Variants in FRMD4B observed in about 807,000 individuals in gnomAD.
FRMD4B encodes FERM domain containing 4B.
A neutral mutation model predicts 141.5 loss-of-function variants in FRMD4B; 74 were observed. The observed-to-expected ratio is 0.52, with a 90% confidence interval of 0.43 to 0.63. The LOEUF is 0.63. FRMD4B is among the 30% of genes least tolerant of loss of function. FRMD4B has a pLI of 0.00. For synonymous variants in FRMD4B, 506 were observed against 467.9 expected, an observed-to-expected ratio of 1.08 and a Z score of -1.05; for missense variants, 1,366 against 1,253.4, an observed-to-expected ratio of 1.09 and a Z score of -1.36.
At position 69,169,375 on chromosome 3, in the gene FRMD4B, T is replaced by TTTTTTTTCC. The variant is rs1553691449; in HGVS notation, c.*2485_*2486insGGAAAAAAA. Among the ~76,000 whole-genome samples the TTTTTTTTCC allele has an allele frequency of 8.0e-6, 1 of 124,610 alleles. No homozygotes were observed. The highest frequency in any genetic ancestry group is 2.9e-5 in the African/African-American group (1 of 34,328). 81.7% of individuals were successfully genotyped at this position (124,610 alleles called of 152,430 possible). The stretch of plus-strand genomic sequence containing the variant: ...TTTCTTTTTTTTTTTTTTTTTTTTT[T>TTTTTTTTCC]CTTGAGACAAGGTCTGTTATTGCCT... On this transcript the variant is annotated 3_prime_UTR_variant, in exon 23 of 23. Transcript: ENST00000398540.
At chr3:69,372,400 C>G (rs1703850927) in intron 1 of FRMD4B, among the ~76,000 whole-genome samples, 1 of 152,234 alleles carries the variant, frequency 6.6e-6, no homozygotes, top group Non-Finnish European at 1.5e-5. Context: ...TGTGATGGCT[C>G]ATGCCTGTAA....
chr3:69,249,221 A>G lies in FRMD4B; in HGVS notation c.581+5T>C. On this transcript the variant is annotated splice_donor_5th_base_variant and intron_variant, in intron 7 of 22. Coordinates refer to ENST00000398540, the MANE Select transcript of FRMD4B (RefSeq NM_015123.3). ...CATAGTAATATCAGAAAAGAAAAGC[A>G]TTACCTGGTATAATCTCCCTTGGCT... 3 of 1,557,170 alleles carry G rather than the reference A, an allele frequency of 1.9e-6. No individual in the cohort carries two copies. Among genetic ancestry groups the G allele is most frequent in the South Asian group, 1.1e-5 (1 of 87,662 alleles).
chr3:69,292,363 T>C lies in FRMD4B; in HGVS notation c.417-4527A>G, dbSNP rs139574850. On this transcript the variant is annotated intron_variant, in intron 4 of 22. Coordinates refer to ENST00000398540, the MANE Select transcript of FRMD4B (RefSeq NM_015123.3). ...GATAGCATATTAGCCAAACTAATCC[T>C]CCTGCTAGTCTTTGAGCCCTGAAGA... 9.4e-3 allele frequency among the ~76,000 whole-genome samples: 1,428 copies of C among 152,332 alleles called. 26 individuals are homozygous for C. The highest frequency in any genetic ancestry group is 0.033 in the African/African-American group (1,354 of 41,576).
intron 1 of FRMD4B, among the ~76,000 whole-genome samples, chr3:69,371,562 CAG>C (rs1249217358): frequency 6.6e-6 from 1 of 152,092 alleles, no homozygotes; most frequent in Non-Finnish European, 1.5e-5. Context: ...TTGGCATTTG[CAG>C]AGAGACCAGT....
chr3:69,227,268 C>T (rs766960544), intron 7 of FRMD4B, among the ~76,000 whole-genome samples: 1 of 152,100 alleles, frequency 6.6e-6, no homozygotes, highest in African/African-American at 2.4e-5. Context: ...TTCATTAAGA[C>T]CTTTTTTTGA....
chr3:69,313,625 G>A, intron 1 of FRMD4B, 108 bp from the exon 2 acceptor site: 1 of 687,478 alleles, frequency 1.5e-6, no homozygotes, highest in Non-Finnish European at 2.5e-6. Flanking sequence ...CCTAAAAATG[G>A]CTTTAGTTGA....
intron 1 of FRMD4B, among the ~76,000 whole-genome samples, chr3:69,529,278 G>A (rs542898307): frequency 1.1e-4 from 16 of 152,312 alleles, no homozygotes; most frequent in Admixed American, 7.2e-4. Flanking sequence ...TTCCTGATTC[G>A]TAATTGCTGT....
At chr3:69,219,242 T>G (rs139533479) in intron 9 of FRMD4B, among the ~76,000 whole-genome samples, 2 of 152,242 alleles carry the variant, frequency 1.3e-5, no homozygotes, top group East Asian at 3.9e-4. Context: ...CAGTAGTGTT[T>G]ATTGTACACC....
intron 4 of FRMD4B, among the ~76,000 whole-genome samples, chr3:69,291,221 A>C (rs1054751627): frequency 1.3e-5 from 2 of 152,192 alleles, no homozygotes; most frequent in African/African-American, 4.8e-5. Context: ...CTTCTACTTG[A>C]AATTTCTAAG....
At chr3:69,277,720 C>T (rs1340701595) in intron 5 of FRMD4B, among the ~76,000 whole-genome samples, 1 of 151,582 alleles carries the variant, frequency 6.6e-6, no homozygotes, top group East Asian at 1.9e-4. Context: ...TTAGTAGAGA[C>T]CGGGTTTCAC....
rs1381030171 is a variant in FRMD4B, at chr3:69,171,246, T to C, written c.*615A>G. The stretch of plus-strand genomic sequence containing the variant: ...ATCAGTTTTTCCAGAACCCATTTTA[T>C]GGTGCTTATGAAAAACATCACTCTT... On this transcript the variant is annotated 3_prime_UTR_variant, in exon 23 of 23. Transcript: ENST00000398540. 5 of 152,250 alleles carry C rather than the reference T, an allele frequency of 3.3e-5. No homozygotes were observed. The South Asian group carries it at 6.2e-4, about 19-fold the overall frequency. 9.4% of individuals were successfully genotyped at this position (152,250 alleles called of 1,614,324 possible).
chr3:69,524,731 G>A (rs1397925055), intron 1 of FRMD4B, among the ~76,000 whole-genome samples: 1 of 152,174 alleles, frequency 6.6e-6, no homozygotes, highest in African/African-American at 2.4e-5. Flanking sequence ...TCCTTTAAAT[G>A]GGAATAACTC....
rs79545403 is a variant in FRMD4B, at chr3:69,354,342, T to C, written c.162+31486A>G. 1.4e-4 allele frequency among the ~76,000 whole-genome samples: 21 copies of C among 152,242 alleles called. 1 individual carries two copies. In the East Asian group the frequency reaches 4.0e-3, roughly 29 times the overall value. ...AATACTGGAAAAATAATAAATTTACTTTTTTTAAAAAAAGAGAATGACTAA... is the reference window on the plus strand; with the variant it reads ...AATACTGGAAAAATAATAAATTTACCTTTTTTAAAAAAAGAGAATGACTAA... On this transcript the variant is annotated intron_variant, in intron 1 of 22. Transcript: ENST00000398540.
At chr3:69,485,190 C>T (rs963734691) in intron 1 of FRMD4B, among the ~76,000 whole-genome samples, 1 of 152,234 alleles carries the variant, frequency 6.6e-6, no homozygotes, top group Non-Finnish European at 1.5e-5. Context: ...GGTGCACACA[C>T]CCGGCTGGGC....
chr3:69,512,401 T>C (rs185369713), intron 1 of FRMD4B, among the ~76,000 whole-genome samples: 1 of 152,356 alleles, frequency 6.6e-6, no homozygotes, highest in East Asian at 1.9e-4. Context: ...AAAGTATTCA[T>C]ATAGTACAGG....
chr3:69,478,272 T>C (rs1296225105), intron 1 of FRMD4B, among the ~76,000 whole-genome samples: 1 of 152,134 alleles, frequency 6.6e-6, no homozygotes, highest in Admixed American at 6.5e-5. Flanking sequence ...TCTCTTGCTT[T>C]TCTAGTTCTT....
chr3:69,343,188 A>C (rs1343294655), intron 1 of FRMD4B, among the ~76,000 whole-genome samples: 1 of 152,130 alleles, frequency 6.6e-6, no homozygotes, highest in Non-Finnish European at 1.5e-5. Context: ...TCCTGGCCTC[A>C]AGTGATCTTC....
Position 69,267,041 on chromosome 3 carries a change from C to G in FRMD4B, c.502-16942G>C, listed in dbSNP as rs1459841794. Among the ~76,000 whole-genome samples, 3 of 152,184 alleles carry G rather than the reference C, an allele frequency of 2.0e-5. No individual in the cohort carries two copies. In the South Asian group the frequency reaches 6.2e-4, roughly 32 times the overall value. On this transcript the variant is annotated intron_variant, in intron 5 of 22. Coordinates refer to ENST00000398540, the MANE Select transcript of FRMD4B (RefSeq NM_015123.3). ...CTAAAACTTTGGTGTATTGCAGATA[C>G]CTGGAGAACTAATAAAGAATACAGA... is the stretch of plus-strand genomic sequence containing the variant.
intron 1 of FRMD4B, among the ~76,000 whole-genome samples, chr3:69,332,116 A>G (rs1190367177): frequency 6.6e-6 from 1 of 152,052 alleles, no homozygotes; most frequent in Non-Finnish European, 1.5e-5. Context: ...AAAAAACACC[A>G]AGCAATTGAT....
Sources: gnomAD v4.1 joint callset for allele counts (sites outside exome capture counted in the v4.1 genomes callset) on GRCh38, gnomAD v4.1.1 for gene constraint, MANE v1.5 for transcripts, NCBI Gene and HGNC (gene_info 2026-07-23, HGNC 2026-07-21) for gene names.